The following PDZRN4 variants were observed in gnomAD, a reference collection of about 807,000 sequenced individuals.
PDZRN4 encodes PDZ domain containing ring finger 4, also known as PDZ domain-containing RING finger protein 4.
Under a neutral mutation model 99.0 loss-of-function variants are expected in PDZRN4, and 70 were observed. The observed-to-expected ratio is 0.71, with a 90% CI of 0.58 to 0.86. PDZRN4 has a LOEUF of 0.86. Ranked by LOEUF, PDZRN4 falls within the 40% of genes least tolerant of loss-of-function variation. PDZRN4 has a pLI of 0.00. For synonymous variants in PDZRN4, 551 were observed against 501.6 expected, an observed-to-expected ratio of 1.10 and a Z score of -1.32; for missense variants, 1,474 against 1,331.2, an observed-to-expected ratio of 1.11 and a Z score of -1.67.
intron 3 of PDZRN4, among the ~76,000 whole-genome samples, chr12:41,217,998 G>T (rs1183813541): frequency 6.6e-6 from 1 of 152,092 alleles, no homozygotes; most frequent in African/African-American, 2.4e-5. Flanking sequence ...AAGGCCAAAA[G>T]GCTGTGGAAA....
intron 3 of PDZRN4, among the ~76,000 whole-genome samples, chr12:41,257,043 A>C (rs1317884531): frequency 6.6e-6 from 1 of 152,164 alleles, no homozygotes; most frequent in African/African-American, 2.4e-5. Flanking sequence ...TATCACCTGG[A>C]CTGTGCCTCC....
intron 5 of PDZRN4, among the ~76,000 whole-genome samples, chr12:41,534,442 C>A (rs905161621): frequency 2.6e-5 from 4 of 152,076 alleles, no homozygotes; most frequent in Non-Finnish European, 4.4e-5. Context: ...CTCCCCCTTC[C>A]CCCTTCCCCT....
At chr12:41,430,865 C>T (rs1485310098) in intron 3 of PDZRN4, among the ~76,000 whole-genome samples, 1 of 152,188 alleles carries the variant, frequency 6.6e-6, no homozygotes. Flanking sequence ...AGCATAGAGG[C>T]TTCTGCTTCT....
intron 3 of PDZRN4, among the ~76,000 whole-genome samples, chr12:41,256,156 T>C (rs1433134627): frequency 6.6e-6 from 1 of 152,196 alleles, no homozygotes; most frequent in Non-Finnish European, 1.5e-5. Context: ...TAAAACTATG[T>C]ATTTCCTAGT....
At chr12:41,458,188 G>A (rs549874357) in intron 3 of PDZRN4, among the ~76,000 whole-genome samples, 3 of 152,116 alleles carry the variant, frequency 2.0e-5, no homozygotes, top group South Asian at 4.2e-4. Context: ...ATGGAGTTTC[G>A]CTCTTGTTGC....
intron 3 of PDZRN4, among the ~76,000 whole-genome samples, chr12:41,342,108 T>G (rs1030375188): frequency 7.2e-5 from 11 of 151,954 alleles, no homozygotes; most frequent in African/African-American, 2.6e-4. Flanking sequence ...AAAAGATAGT[T>G]TATTCAATAA....
intron 3 of PDZRN4, among the ~76,000 whole-genome samples, chr12:41,470,759 A>G (rs1245618945): frequency 6.6e-6 from 1 of 152,088 alleles, no homozygotes; most frequent in East Asian, 1.9e-4. Context: ...ACCAGAAATG[A>G]TACAGATCGC....
At chr12:41,316,611 C>T (rs1592009101) in intron 3 of PDZRN4, among the ~76,000 whole-genome samples, 1 of 152,012 alleles carries the variant, frequency 6.6e-6, no homozygotes, top group East Asian at 1.9e-4. Flanking sequence ...GATTCCAATA[C>T]ATGGCATCAA....
chr12:41,448,939 G>A (rs1486782090), intron 3 of PDZRN4, among the ~76,000 whole-genome samples: 1 of 151,990 alleles, frequency 6.6e-6, no homozygotes, highest in East Asian at 1.9e-4. Flanking sequence ...AACATTTATT[G>A]GCCCTTCCTT....
At chr12:41,368,591 G>A (rs1372589989) in intron 3 of PDZRN4, among the ~76,000 whole-genome samples, 1 of 152,110 alleles carries the variant, frequency 6.6e-6, no homozygotes, top group Non-Finnish European at 1.5e-5. Context: ...CTGAGATTGA[G>A]CACAGAAGCC....
chr12:41,218,695 CA>C (rs1950936228), intron 3 of PDZRN4, among the ~76,000 whole-genome samples: 1 of 152,062 alleles, frequency 6.6e-6, no homozygotes, highest in African/African-American at 2.4e-5. Flanking sequence ...TCATTAACTG[CA>C]ACTCACTTTC....
At chr12:41,270,022 T>A (rs1223015178) in intron 3 of PDZRN4, among the ~76,000 whole-genome samples, 1 of 152,170 alleles carries the variant, frequency 6.6e-6, no homozygotes, top group Non-Finnish European at 1.5e-5. Context: ...TTTGAATAAA[T>A]TCTAATGGGT....
At chr12:41,410,616 G>A (rs1239106616) in intron 3 of PDZRN4, among the ~76,000 whole-genome samples, 4 of 152,064 alleles carry the variant, frequency 2.6e-5, no homozygotes, top group Non-Finnish European at 5.9e-5. Flanking sequence ...AGTATATTTT[G>A]TTGGGTACCC....
intron 3 of PDZRN4, among the ~76,000 whole-genome samples, chr12:41,255,828 A>C (rs553151139): frequency 7.2e-5 from 11 of 152,276 alleles, no homozygotes; most frequent in African/African-American, 2.4e-4. Context: ...AAAGAGAGAG[A>C]GCAAGGGGCA....
intron 3 of PDZRN4, among the ~76,000 whole-genome samples, chr12:41,464,123 A>G (rs376683767): frequency 2.6e-5 from 4 of 152,272 alleles, no homozygotes; most frequent in African/African-American, 4.8e-5. Context: ...TCCACACTCT[A>G]TAACACCAGC....
At chr12:41,366,172 G>C (rs771752945) in intron 3 of PDZRN4, among the ~76,000 whole-genome samples, 4 of 152,108 alleles carry the variant, frequency 2.6e-5, no homozygotes, top group Non-Finnish European at 4.4e-5. Flanking sequence ...ATACCATCTT[G>C]TTACCCTGGT....
chr12:41,418,821 TGACCAGC>T (rs1012126361), intron 3 of PDZRN4, among the ~76,000 whole-genome samples: 12 of 152,138 alleles, frequency 7.9e-5, no homozygotes, highest in African/African-American at 2.7e-4. Flanking sequence ...AATCGTTGGG[TGACCAGC>T]GTAGGGTGTA....
chr12:41,488,111 C>T (rs528576930), intron 3 of PDZRN4, among the ~76,000 whole-genome samples: 215 of 152,172 alleles, frequency 1.4e-3, no homozygotes, highest in African/African-American at 2.3e-3. Flanking sequence ...TATTTTAATC[C>T]GGCAATGTAT....
chr12:41,414,362 G>A (rs929039063), intron 3 of PDZRN4, among the ~76,000 whole-genome samples: 18 of 152,212 alleles, frequency 1.2e-4, no homozygotes, highest in Admixed American at 1.2e-3. Flanking sequence ...TACTTCTCTA[G>A]CAAGATTAGG....
Sources: allele counts gnomAD v4.1 joint callset (sites outside exome capture counted in the v4.1 genomes callset), GRCh38; gene constraint gnomAD v4.1.1; transcripts MANE v1.5; gene names NCBI Gene and HGNC (gene_info 2026-07-23, HGNC 2026-07-21).